Variants in CACNA1C observed in about 807,000 individuals in gnomAD.
CACNA1C encodes the protein voltage-dependent L-type calcium channel subunit alpha-1C.
A neutral mutation model predicts 229.0 loss-of-function variants in CACNA1C; 30 were observed. That is an observed-to-expected ratio of 0.13 (90% CI 0.10 to 0.18). CACNA1C has a LOEUF of 0.18. Among genes scored for constraint, CACNA1C ranks in the 10% least tolerant of loss-of-function variants. CACNA1C has a pLI of 1.00. For synonymous variants in CACNA1C, 1,114 were observed against 1,132.5 expected (o/e 0.98, Z 0.33); for missense variants, 1,658 against 2,845.0 (o/e 0.58, Z 9.49).
chr12:1,986,413 G>A (rs753604455), intron 1 of CACNA1C, among the ~76,000 whole-genome samples: 9 of 152,130 alleles, frequency 5.9e-5, no homozygotes, highest in Non-Finnish European at 1.2e-4. Context: ...CTCTCACACT[G>A]TCAGACAGTC....
intron 13 of CACNA1C, among the ~76,000 whole-genome samples, chr12:2,572,403 CCTCCTCCTCCTG>C (rs2055557275): frequency 3.3e-5 from 3 of 91,770 alleles, no homozygotes; most frequent in African/African-American, 4.6e-5. Flanking sequence ...TTCTTCTCTT[CCTCCTCCTCCTG>C]TTCCTCCTCC....
intron 1 of CACNA1C, among the ~76,000 whole-genome samples, chr12:2,068,263 G>A (rs2060090851): frequency 6.6e-6 from 1 of 152,190 alleles, no homozygotes; most frequent in African/African-American, 2.4e-5. Context: ...AGGAAGGTGT[G>A]AATGACCAGC....
intron 3 of CACNA1C, among the ~76,000 whole-genome samples, chr12:2,206,090 G>A (rs1459739634): frequency 6.6e-6 from 1 of 152,114 alleles, no homozygotes; most frequent in Non-Finnish European, 1.5e-5. Flanking sequence ...ACCCTGATTT[G>A]AGGAGTGTTT....
chr12:2,525,227 G>A (rs1598889276), intron 9 of CACNA1C, among the ~76,000 whole-genome samples: 1 of 152,166 alleles, frequency 6.6e-6, no homozygotes, highest in African/African-American at 2.4e-5. Flanking sequence ...CTGTGCAGCC[G>A]AGTGTGGACA....
At chr12:2,017,093 A>C (rs2045524344) in intron 1 of CACNA1C, among the ~76,000 whole-genome samples, 1 of 152,182 alleles carries the variant, frequency 6.6e-6, no homozygotes, top group Non-Finnish European at 1.5e-5. Context: ...TTAAAAGGGG[A>C]AGTGACATCA....
chr12:2,482,974 G>GTTA (rs1374442907), intron 5 of CACNA1C, among the ~76,000 whole-genome samples: 1 of 152,206 alleles, frequency 6.6e-6, no homozygotes, highest in Non-Finnish European at 1.5e-5. Flanking sequence ...ATTGAATGAT[G>GTTA]TTATTTCCAA....
chr12:2,288,093 C>G (rs895673012), intron 3 of CACNA1C: 1 of 152,114 alleles, frequency 6.6e-6, no homozygotes, highest in African/African-American at 2.4e-5. Flanking sequence ...CAAAGGGAAC[C>G]GAGCCCTGCC....
intron 3 of CACNA1C, among the ~76,000 whole-genome samples, chr12:2,352,272 G>A (rs2097222672): frequency 6.6e-6 from 1 of 152,174 alleles, no homozygotes; most frequent in Non-Finnish European, 1.5e-5. Flanking sequence ...AGGTCTCCTA[G>A]GCTGCCTAAG....
At chr12:2,356,230 T>C (rs61563839) in intron 3 of CACNA1C, among the ~76,000 whole-genome samples, 2,350 of 152,288 alleles carry the variant, frequency 0.015, 58 homozygotes, top group African/African-American at 0.054. Flanking sequence ...TGAAAATGCT[T>C]GCAAGCTGTG....
chr12:2,677,368 A>G lies in CACNA1C; in HGVS notation c.4956+147A>G. The G allele has an allele frequency of 2.2e-6, 2 of 895,322 alleles. No individual in the cohort carries two copies. The highest frequency in any genetic ancestry group is 3.7e-5 in the South Asian group (2 of 54,092). 55.5% of individuals were successfully genotyped at this position (895,322 alleles called of 1,614,324 possible). A position where few individuals can be genotyped will look rare whatever the true frequency, so the allele number is the denominator to read the frequency against. ...CAGAGAGCTCCAGACCTTTCCAAAG[A>G]TGGCTGTGAGAAGGGGGTGATGTGC... On this transcript the variant is annotated intron_variant, in intron 40 of 46. Coordinates refer to ENST00000399655, the MANE Select transcript of CACNA1C (RefSeq NM_000719.7). This position sits in a 1 kb window ranked among gnomAD's most constrained non-coding sequence, Gnocchi z 7.4.
intron 18 of CACNA1C, among the ~76,000 whole-genome samples, chr12:2,586,230 G>A (rs1410957555): frequency 6.6e-6 from 1 of 151,984 alleles, no homozygotes; most frequent in African/African-American, 2.4e-5. Flanking sequence ...TATTAGTATG[G>A]CATATGTTGC....
intron 3 of CACNA1C, among the ~76,000 whole-genome samples, chr12:2,141,785 A>G (rs1165062325): frequency 6.6e-6 from 1 of 151,186 alleles, no homozygotes; most frequent in Non-Finnish European, 1.5e-5. Context: ...TGTATATCTG[A>G]CAGCGCTTGG....
At chr12:2,478,917 C>G (rs1420829536) in intron 5 of CACNA1C, among the ~76,000 whole-genome samples, 3 of 152,184 alleles carry the variant, frequency 2.0e-5, no homozygotes, top group Non-Finnish European at 4.4e-5. Context: ...AGAAAGGGAA[C>G]CTTGATCATC....
At chr12:1,989,381 A>G (rs963395167) in intron 1 of CACNA1C, among the ~76,000 whole-genome samples, 1 of 151,884 alleles carries the variant, frequency 6.6e-6, no homozygotes, top group Non-Finnish European at 1.5e-5. Flanking sequence ...GAGCAGAGCA[A>G]AGAGAAAAAG....
chr12:2,149,135 A>G (rs1480373604), intron 3 of CACNA1C, among the ~76,000 whole-genome samples: 1 of 152,132 alleles, frequency 6.6e-6, no homozygotes, highest in East Asian at 1.9e-4. Context: ...TAACTAATAG[A>G]CTGATGAGTT....
chr12:2,290,422 A>G (rs941684659), intron 3 of CACNA1C, among the ~76,000 whole-genome samples: 2 of 152,232 alleles, frequency 1.3e-5, no homozygotes, highest in African/African-American at 2.4e-5. Flanking sequence ...CAGTCCCACA[A>G]CAGAAATCTT....
At chr12:2,429,189 A>G (rs2099060223) in intron 3 of CACNA1C, among the ~76,000 whole-genome samples, 1 of 152,032 alleles carries the variant, frequency 6.6e-6, no homozygotes, top group Non-Finnish European at 1.5e-5. Context: ...AAGGACATCA[A>G]CATATTGGAT....
chr12:2,674,833 A>C (rs1281860932), intron 39 of CACNA1C, among the ~76,000 whole-genome samples, 191 bp downstream of exon 39: 2 of 152,224 alleles, frequency 1.3e-5, no homozygotes, highest in Non-Finnish European at 2.9e-5. Context: ...GTTGGTTAGA[A>C]GGGAGGCAGG....
At chr12:2,690,834 G>A in intron 46 of CACNA1C, 66 bp from the exon 47 acceptor site, 1 of 1,443,074 alleles carries the variant, frequency 6.9e-7, no homozygotes, top group Non-Finnish European at 9.3e-7. Context: ...TAGCCCTCAA[G>A]GGAAGAGCTG....
Sources: gnomAD v4.1 joint callset for allele counts (sites outside exome capture counted in the v4.1 genomes callset) on GRCh38, gnomAD v4.1.1 for gene constraint, Gnocchi (gnomAD v3.1) non-coding constraint, MANE v1.5 for transcripts, NCBI Gene and HGNC (gene_info 2026-07-23, HGNC 2026-07-21) for gene names.